CPQ: variants seen among roughly 807,000 people sequenced by gnomAD.
CPQ encodes carboxypeptidase Q.
A neutral mutation model predicts 45.7 loss-of-function variants in CPQ; 37 were observed. That is an observed-to-expected ratio of 0.81 (90% CI 0.62 to 1.07). CPQ has a LOEUF of 1.07. Among genes scored for constraint, CPQ ranks in the 50% least tolerant of loss-of-function variants. The probability of loss-of-function intolerance (pLI) is 0.00; values close to 1 mark genes in which losing one functional copy is unlikely to be tolerated. For synonymous variants in CPQ, 186 were observed against 205.8 expected, an observed-to-expected ratio of 0.90 and a Z score of 0.82; for missense variants, 537 against 572.9, an observed-to-expected ratio of 0.94 and a Z score of 0.64.
chr8:97,064,474 T>G (rs922764994), intron 6 of CPQ, among the ~76,000 whole-genome samples: 2 of 152,206 alleles, frequency 1.3e-5, no homozygotes, highest in African/African-American at 4.8e-5. Context: ...AGGTGGCATT[T>G]TTTATTATAA....
chr8:96,889,778 C>T (rs1812349378), intron 4 of CPQ, among the ~76,000 whole-genome samples: 2 of 152,152 alleles, frequency 1.3e-5, no homozygotes, highest in South Asian at 4.1e-4. Context: ...AGGAAGCATC[C>T]AGTACAGAAG....
chr8:96,655,204 A>T (rs1218640146), intron 1 of CPQ, among the ~76,000 whole-genome samples: 3 of 151,954 alleles, frequency 2.0e-5, no homozygotes, highest in African/African-American at 7.2e-5. Context: ...TTATGTGAAG[A>T]TTAGTTCCCT....
intron 4 of CPQ, among the ~76,000 whole-genome samples, chr8:96,892,292 T>C (rs1324826754): frequency 6.6e-6 from 1 of 152,206 alleles, no homozygotes; most frequent in Admixed American, 6.5e-5. Flanking sequence ...CATAACTGAA[T>C]AGTTAGAGAC....
intron 6 of CPQ, among the ~76,000 whole-genome samples, chr8:97,051,677 C>T (rs1239123465): frequency 1.3e-5 from 2 of 152,242 alleles, no homozygotes; most frequent in Non-Finnish European, 1.5e-5. Context: ...TTAGGACTTG[C>T]TGCCTTGGAA....
rs757333795 is a variant in CPQ at position 96,667,505 on chromosome 8, C to T, written c.-35+22103C>T. The stretch of plus-strand genomic sequence containing the variant: ...CTGGGATTACAGGTGTGTGCCACCA[C>T]GCCTGGCTAATTTTTTTATATTTCT... On this transcript the variant is annotated intron_variant, in intron 1 of 7. Transcript: ENST00000220763. 9.9e-5 allele frequency among the ~76,000 whole-genome samples: 15 copies of T among 152,012 alleles called. No individual in the cohort carries two copies. The East Asian group carries it at 1.4e-3, about 14-fold the overall frequency.
intron 5 of CPQ, among the ~76,000 whole-genome samples, chr8:97,022,996 C>T (rs931156775): frequency 4.9e-5 from 7 of 143,366 alleles, no homozygotes; most frequent in African/African-American, 1.0e-4. Flanking sequence ...TATATATATA[C>T]AGTATATATA....
intron 2 of CPQ, among the ~76,000 whole-genome samples, chr8:96,834,051 T>C (rs931487556): frequency 6.6e-6 from 1 of 152,236 alleles, no homozygotes; most frequent in Non-Finnish European, 1.5e-5. Context: ...CACTTACCAC[T>C]TTCTTTCTTT....
At chr8:97,037,949 CTTT>C (rs1002257695) in intron 6 of CPQ, among the ~76,000 whole-genome samples, 2 of 152,056 alleles carry the variant, frequency 1.3e-5, no homozygotes, top group African/African-American at 4.8e-5. Context: ...TCTTAACTGG[CTTT>C]TATTATATTT....
intron 5 of CPQ, among the ~76,000 whole-genome samples, chr8:96,971,553 G>T (rs1171974437): frequency 6.6e-6 from 1 of 152,076 alleles, no homozygotes; most frequent in Non-Finnish European, 1.5e-5. Flanking sequence ...TACGCTTTCT[G>T]CACAATTATT....
intron 5 of CPQ, among the ~76,000 whole-genome samples, chr8:96,980,523 T>C (rs1304920999): frequency 6.6e-6 from 1 of 152,232 alleles, no homozygotes; most frequent in Non-Finnish European, 1.5e-5. Context: ...TGAAATAATA[T>C]ACACAGTAAC....
chr8:97,109,908 G>C (rs995602337), intron 7 of CPQ, among the ~76,000 whole-genome samples: 2 of 151,692 alleles, frequency 1.3e-5, no homozygotes, highest in Non-Finnish European at 2.9e-5. Context: ...ATTCTTTAAG[G>C]GTTATTCTCC....
intron 4 of CPQ, among the ~76,000 whole-genome samples, chr8:96,914,537 T>A (rs186089770): frequency 6.6e-6 from 1 of 152,144 alleles, no homozygotes; most frequent in Non-Finnish European, 1.5e-5. Context: ...TGAAATACAA[T>A]TTTTTTGTGT....
At chr8:96,880,846 C>T (rs1238350533) in intron 4 of CPQ, among the ~76,000 whole-genome samples, 2 of 151,872 alleles carry the variant, frequency 1.3e-5, no homozygotes, top group African/African-American at 4.8e-5. Flanking sequence ...CTTTGGGTGA[C>T]GGGTTCAACT....
chr8:96,743,762 G>C (rs1436765360), intron 1 of CPQ, among the ~76,000 whole-genome samples: 1 of 152,110 alleles, frequency 6.6e-6, no homozygotes, highest in Non-Finnish European at 1.5e-5. Context: ...GCCCCTGCTG[G>C]GGGGTGCCTC....
intron 2 of CPQ, among the ~76,000 whole-genome samples, chr8:96,825,037 C>T (rs946921849): frequency 6.6e-6 from 1 of 152,028 alleles, no homozygotes; most frequent in Non-Finnish European, 1.5e-5. Flanking sequence ...TATTTGGGAA[C>T]TACAGCCTTG....
chr8:96,912,282 G>A (rs146061354), intron 4 of CPQ, among the ~76,000 whole-genome samples: 130 of 152,236 alleles, frequency 8.5e-4, no homozygotes, highest in Middle Eastern at 3.4e-3. Context: ...ACATTAGTAG[G>A]TTTTCACTTC....
At chr8:96,733,177 T>C (rs913088126) in intron 1 of CPQ, among the ~76,000 whole-genome samples, 3 of 152,230 alleles carry the variant, frequency 2.0e-5, no homozygotes, top group Admixed American at 6.5e-5. Context: ...ACATGACTTC[T>C]ATTTCAAATC....
At chr8:96,976,247 C>CAAAAAAAAA (rs55864086) in intron 5 of CPQ, among the ~76,000 whole-genome samples, 5 of 60,840 alleles carry the variant, frequency 8.2e-5, no homozygotes, top group Non-Finnish European at 1.5e-4. Context: ...CAATAGCTGA[C>CAAAAAAAAA]AAAAAAAAAA....
chr8:97,038,364 A>T (rs1352690953), intron 6 of CPQ, among the ~76,000 whole-genome samples: 1 of 151,688 alleles, frequency 6.6e-6, no homozygotes, highest in Non-Finnish European at 1.5e-5. Flanking sequence ...TTCTGGCACA[A>T]ATAGTTTCTG....
Sources: gnomAD v4.1 joint callset for allele counts (sites outside exome capture counted in the v4.1 genomes callset) on GRCh38, gnomAD v4.1.1 for gene constraint, MANE v1.5 for transcripts, NCBI Gene and HGNC (gene_info 2026-07-23, HGNC 2026-07-21) for gene names.